SEL1L2: variants seen among roughly 807,000 people sequenced by gnomAD.
SEL1L2 encodes SEL1L2 adaptor subunit of SYVN1 ubiquitin ligase, also known as protein sel-1 homolog 2.
In SEL1L2, 89 loss-of-function variants were observed where a neutral mutation model predicts 98.8. The observed-to-expected ratio is 0.90, with a 90% CI of 0.76 to 1.07. SEL1L2 has a LOEUF of 1.07. Ranked by LOEUF, SEL1L2 falls within the 50% of genes least tolerant of loss-of-function variation. The pLI is 0.00. For missense variants in SEL1L2, 788 were observed against 812.0 expected, an observed-to-expected ratio of 0.97 and a Z score of 0.36; for synonymous variants, 262 against 278.5, an observed-to-expected ratio of 0.94 and a Z score of 0.59.
upstream of SEL1L2, among the ~76,000 whole-genome samples, chr20:13,990,769 G>A (rs904089371): frequency 3.9e-5 from 6 of 152,218 alleles, no homozygotes; most frequent in Non-Finnish European, 7.3e-5. Context: ...TGAAGATAAG[G>A]GGTAGGCTAG....
chr20:13,947,616 C>T (rs1225600858), intron 2 of SEL1L2, among the ~76,000 whole-genome samples: 5 of 152,128 alleles, frequency 3.3e-5, no homozygotes, highest in Non-Finnish European at 7.4e-5. Flanking sequence ...CTAAAACATG[C>T]CCCCCACACT....
At chr20:13,943,667 CA>C (rs986487141) in intron 2 of SEL1L2, among the ~76,000 whole-genome samples, 1 of 151,886 alleles carries the variant, frequency 6.6e-6, no homozygotes, top group African/African-American at 2.4e-5. Context: ...GAGAACTATA[CA>C]AAAAAGTAAA....
chr20:13,886,536 A>G, intron 8 of SEL1L2, 94 bp from the exon 9 acceptor site: 2 of 1,044,154 alleles, frequency 1.9e-6, no homozygotes, highest in Non-Finnish European at 1.4e-6. Flanking sequence ...TTATTATCTT[A>G]AATTGTGCAG....
At position 13,900,048 on chromosome 20, in the gene SEL1L2, A is replaced by G. The variant is rs576882494; in HGVS notation, c.550-11536T>C. Among the ~76,000 whole-genome samples the G allele has an allele frequency of 7.2e-5, 11 of 152,276 alleles. No homozygotes were observed. In the East Asian group the frequency reaches 2.1e-3, roughly 29 times the overall value. On this transcript the variant is annotated intron_variant, in intron 5 of 19. Coordinates refer to ENST00000284951, the MANE Select transcript of SEL1L2 (RefSeq NM_025229.2). ...AAAATGATTTACATAATAGAAAAAA[A>G]TTTCTGATGGTTTTATTTTATAGAA...
intron 2 of SEL1L2, among the ~76,000 whole-genome samples, chr20:13,942,111 A>G (rs1418145261): frequency 6.6e-6 from 1 of 152,188 alleles, no homozygotes; most frequent in East Asian, 1.9e-4. Flanking sequence ...GCAAACCAAG[A>G]CTAGCTGGTC....
At chr20:13,877,470 T>G (rs2046488103) in intron 11 of SEL1L2, 50 bp downstream of exon 11, 1 of 1,447,480 alleles carries the variant, frequency 6.9e-7, no homozygotes, top group South Asian at 1.2e-5. Flanking sequence ...CCAGTTTAAT[T>G]TCTTAGGTTT....
At chr20:13,870,549 A>G (rs2046137750) in intron 12 of SEL1L2, among the ~76,000 whole-genome samples, 1 of 152,138 alleles carries the variant, frequency 6.6e-6, no homozygotes, top group South Asian at 2.1e-4. Context: ...TTCACACGCT[A>G]GGGGGCTCTG....
Position 13,956,140 on chromosome 20 carries a change from C to T in SEL1L2, c.59-9G>A. 1 of 1,448,230 alleles carries T rather than the reference C, an allele frequency of 6.9e-7. No individual in the cohort carries two copies. Among genetic ancestry groups the T allele is most frequent in the Non-Finnish European group, 9.4e-7 (1 of 1,064,688 alleles). 89.7% of individuals were successfully genotyped at this position (1,448,230 alleles called of 1,614,324 possible). ...TTCCTCTGCTTTGATAGCTGCAATA[C>T]ACAAAATTTTTTTATAAAATTTAAA... On this transcript the variant is annotated splice_polypyrimidine_tract_variant and intron_variant, in intron 1 of 19. Transcript: ENST00000284951.
At chr20:13,948,221 A>G (rs1223706844) in intron 2 of SEL1L2, among the ~76,000 whole-genome samples, 3 of 152,146 alleles carry the variant, frequency 2.0e-5, no homozygotes, top group African/African-American at 7.3e-5. Context: ...AATCCCTATA[A>G]AAATCCCAAT....
At chr20:13,859,646 C>T (rs1989763663) in intron 17 of SEL1L2, among the ~76,000 whole-genome samples, 1 of 152,120 alleles carries the variant, frequency 6.6e-6, no homozygotes, top group Non-Finnish European at 1.5e-5. Flanking sequence ...TAACTGTTTT[C>T]ATTATAGCGT....
At chr20:13,926,700 G>A (rs1395223939) in intron 3 of SEL1L2, among the ~76,000 whole-genome samples, 1 of 152,210 alleles carries the variant, frequency 6.6e-6, no homozygotes, top group Non-Finnish European at 1.5e-5. Flanking sequence ...AAGGGGGTCT[G>A]AACAGCACTT....
chr20:13,858,976 G>T (rs1305819888), intron 18 of SEL1L2, among the ~76,000 whole-genome samples: 1 of 152,194 alleles, frequency 6.6e-6, no homozygotes, highest in African/African-American at 2.4e-5. Flanking sequence ...ACTGGAAAAA[G>T]CATGTGCTGC....
chr20:13,900,537 G>A (rs377438206), intron 5 of SEL1L2, among the ~76,000 whole-genome samples: 1 of 152,186 alleles, frequency 6.6e-6, no homozygotes, highest in Non-Finnish European at 1.5e-5. Context: ...AGATGGCTGA[G>A]TAGGAGATGA....
intron 5 of SEL1L2, among the ~76,000 whole-genome samples, chr20:13,910,217 C>G (rs1347478189): frequency 6.6e-6 from 1 of 152,144 alleles, no homozygotes; most frequent in East Asian, 1.9e-4. Context: ...GATGTAAAGC[C>G]AGAACTGACT....
At chr20:13,934,657 A>C (rs373980130) in intron 2 of SEL1L2, among the ~76,000 whole-genome samples, 20 of 150,614 alleles carry the variant, frequency 1.3e-4, no homozygotes, top group African/African-American at 4.2e-4. Flanking sequence ...ATCAAATGGT[A>C]GTTCTACTTT....
At chr20:13,909,412 C>T (rs2048119646) in intron 5 of SEL1L2, among the ~76,000 whole-genome samples, 1 of 152,214 alleles carries the variant, frequency 6.6e-6, no homozygotes, top group African/African-American at 2.4e-5. Flanking sequence ...GGACTTGCTA[C>T]TGGAAACAGA....
chr20:13,985,148 A>G (rs1912300929), intron 1 of SEL1L2, among the ~76,000 whole-genome samples: 2 of 151,906 alleles, frequency 1.3e-5, no homozygotes, highest in South Asian at 2.1e-4. Flanking sequence ...TCTCAAAGTC[A>G]TTTTTCTAAG....
intron 11 of SEL1L2, among the ~76,000 whole-genome samples, chr20:13,876,518 C>T (rs1277883815): frequency 2.6e-5 from 4 of 151,240 alleles, no homozygotes; most frequent in African/African-American, 9.7e-5. Flanking sequence ...CCAAGGGTGG[C>T]ACACAGGGGA....
chr20:13,899,774 A>C (rs964218583), intron 5 of SEL1L2, among the ~76,000 whole-genome samples: 1 of 152,240 alleles, frequency 6.6e-6, no homozygotes, highest in African/African-American at 2.4e-5. Context: ...AAACTGAAGC[A>C]GGATAAGTAG....
Sources: allele counts gnomAD v4.1 joint callset (sites outside exome capture counted in the v4.1 genomes callset), GRCh38; gene constraint gnomAD v4.1.1; transcripts MANE v1.5; gene names NCBI Gene and HGNC (gene_info 2026-07-23, HGNC 2026-07-21).